FBXO4: variants seen among roughly 807,000 people sequenced by gnomAD.
FBXO4 encodes the protein F-box only protein 4.
FBXO4 carries 36 observed loss-of-function variants against 43.7 expected under a neutral mutation model. The ratio of observed to expected loss-of-function variants is 0.82; its 90% CI spans 0.63 to 1.09. FBXO4 has a LOEUF of 1.09. Ranked by LOEUF, FBXO4 falls within the 50% of genes least tolerant of loss-of-function variation. FBXO4 has a pLI of 0.00. For missense variants in FBXO4, 435 were observed against 474.1 expected (o/e 0.92, Z 0.77); for synonymous variants, 180 against 165.6 (o/e 1.09, Z -0.67).
chr5:41,937,600 CTA>C (rs1751881208), intron 5 of FBXO4, among the ~76,000 whole-genome samples: 1 of 152,156 alleles, frequency 6.6e-6, no homozygotes, highest in South Asian at 2.1e-4. Flanking sequence ...ACCTAAATCC[CTA>C]TTCTCCCAAG....
the FBXO4 span, among the ~76,000 whole-genome samples, chr5:41,971,370 T>C: frequency 3.9e-5 from 6 of 152,008 alleles, no homozygotes; most frequent in Admixed American, 3.9e-4. Flanking sequence ...TCTGTAACTA[T>C]ACTTTTTAAA....
chr5:41,965,849 C>T, the FBXO4 span, among the ~76,000 whole-genome samples: 5 of 152,262 alleles, frequency 3.3e-5, no homozygotes, highest in East Asian at 3.9e-4. Context: ...CACATGAACA[C>T]GTATGTTTAT....
downstream of FBXO4, among the ~76,000 whole-genome samples, chr5:41,943,288 A>T (rs996116952): frequency 3.9e-5 from 6 of 152,248 alleles, no homozygotes; most frequent in South Asian, 1.2e-3. Context: ...TATTAGCATT[A>T]TCCAGGGATG....
At chr5:42,033,364 G>A in the FBXO4 span, among the ~76,000 whole-genome samples, 1 of 152,050 alleles carries the variant, frequency 6.6e-6, no homozygotes, top group Non-Finnish European at 1.5e-5. Context: ...GAACACTGTA[G>A]CCCTCAGTGG....
chr5:41,952,488 A>G, the FBXO4 span, among the ~76,000 whole-genome samples: 1 of 152,190 alleles, frequency 6.6e-6, no homozygotes, highest in South Asian at 2.1e-4. Flanking sequence ...TGATTAATAT[A>G]TTTACAATTC....
At chr5:41,947,036 C>T in the FBXO4 span, among the ~76,000 whole-genome samples, 1 of 152,166 alleles carries the variant, frequency 6.6e-6, no homozygotes, top group Non-Finnish European at 1.5e-5. Context: ...GGATTCACTG[C>T]CTAAGCTAAT....
chr5:41,996,669 A>G, the FBXO4 span, among the ~76,000 whole-genome samples: 1 of 152,212 alleles, frequency 6.6e-6, no homozygotes, highest in Non-Finnish European at 1.5e-5. Context: ...CACATGAGGA[A>G]TGTGTTGCCT....
At chr5:41,985,907 T>A in the FBXO4 span, among the ~76,000 whole-genome samples, 1 of 152,158 alleles carries the variant, frequency 6.6e-6, no homozygotes. Context: ...TTCCTTAGTC[T>A]ACAGGAAAAG....
chr5:41,967,545 C>G, the FBXO4 span: 1 of 985,808 alleles, frequency 1.0e-6, no homozygotes, highest in Non-Finnish European at 1.6e-6. Flanking sequence ...TGCACCCCAT[C>G]TGTGTGCAGT....
chr5:41,951,357 G>A, the FBXO4 span: 1 of 233,324 alleles, frequency 4.3e-6, no homozygotes, highest in Non-Finnish European at 8.3e-6. Flanking sequence ...TGAGCAGTGG[G>A]AGGGCAAACC....
the FBXO4 span, among the ~76,000 whole-genome samples, chr5:41,953,600 T>C: frequency 6.6e-6 from 1 of 150,496 alleles, no homozygotes; most frequent in African/African-American, 2.4e-5. Flanking sequence ...TGAACTAGTT[T>C]ACAGTCCCAC....
the FBXO4 span, among the ~76,000 whole-genome samples, chr5:41,969,978 G>A: frequency 2.2e-5 from 3 of 137,122 alleles, no homozygotes; most frequent in Non-Finnish European, 5.2e-5. Flanking sequence ...CCATAGTACT[G>A]TGGTTACTGT....
chr5:42,032,441 C>A, the FBXO4 span, among the ~76,000 whole-genome samples: 2 of 152,132 alleles, frequency 1.3e-5, no homozygotes, highest in African/African-American at 4.8e-5. Flanking sequence ...GCACTCAATT[C>A]ACAAGGCATA....
the FBXO4 span, among the ~76,000 whole-genome samples, chr5:42,015,300 G>A: frequency 5.9e-5 from 9 of 152,202 alleles, no homozygotes; most frequent in East Asian, 5.8e-4. Context: ...GTGTGCACAC[G>A]CACATGCGCT....
At chr5:41,948,653 G>T in the FBXO4 span, among the ~76,000 whole-genome samples, 1 of 151,968 alleles carries the variant, frequency 6.6e-6, no homozygotes, top group Non-Finnish European at 1.5e-5. Flanking sequence ...GCTTTTATCA[G>T]TCAATAATCT....
At chr5:41,935,212 G>A (rs1042598750) in intron 5 of FBXO4, 42 of 865,646 alleles carry the variant, frequency 4.9e-5, no homozygotes, top group Non-Finnish European at 5.8e-5. Context: ...TATAAAACAA[G>A]CACACAAAAA....
the FBXO4 span, among the ~76,000 whole-genome samples, chr5:41,965,679 G>T: frequency 2.0e-5 from 3 of 152,216 alleles, no homozygotes; most frequent in Non-Finnish European, 2.9e-5. Context: ...AGATACTGGA[G>T]AGGATGTGGA....
At chr5:41,934,340 T>C (rs1441647419) in intron 5 of FBXO4, 32 bp downstream of exon 5, 1 of 1,613,508 alleles carries the variant, frequency 6.2e-7, no homozygotes, top group Non-Finnish European at 8.5e-7. Flanking sequence ...TTTAAGCACA[T>C]TGTTCTTTTC....
At chr5:41,999,526 T>C in the FBXO4 span, among the ~76,000 whole-genome samples, 730 of 113,408 alleles carry the variant, frequency 6.4e-3, 14 homozygotes, top group African/African-American at 0.025. Flanking sequence ...TATATATACA[T>C]ATATATATAC....
Sources: gnomAD v4.1 joint callset for allele counts (sites outside exome capture counted in the v4.1 genomes callset) on GRCh38, gnomAD v4.1.1 for gene constraint, MANE v1.5 for transcripts, NCBI Gene and HGNC (gene_info 2026-07-23, HGNC 2026-07-21) for gene names.